Variants in ABI3BP observed in about 807,000 individuals in gnomAD.
The protein encoded by ABI3BP is target of Nesh-SH3.
ABI3BP carries 216 observed loss-of-function variants against 268.6 expected under a neutral mutation model. The ratio of observed to expected loss-of-function variants is 0.80; its 90% CI spans 0.72 to 0.90. The LOEUF (loss-of-function observed/expected upper bound fraction) is 0.90. Ranked by LOEUF, ABI3BP falls within the 40% of genes least tolerant of loss-of-function variation. ABI3BP has a pLI of 0.00. For synonymous variants in ABI3BP, 730 were observed against 730.0 expected, an observed-to-expected ratio of 1.00 and a Z score of 0.00; for missense variants, 2,090 against 2,182.4, an observed-to-expected ratio of 0.96 and a Z score of 0.84.
intron 45 of ABI3BP, among the ~76,000 whole-genome samples, 189 bp downstream of exon 45, chr3:100,813,472 T>C (rs1211591162): frequency 6.6e-6 from 1 of 152,208 alleles, no homozygotes; most frequent in Non-Finnish European, 1.5e-5. Context: ...TTTTTATACA[T>C]TCAAATAGTA....
intron 1 of ABI3BP, among the ~76,000 whole-genome samples, chr3:100,947,196 C>A (rs1469843500): frequency 6.6e-6 from 1 of 151,984 alleles, no homozygotes; most frequent in Non-Finnish European, 1.5e-5. Flanking sequence ...TCATTAATAA[C>A]ATCTCTGATG....
At chr3:100,843,978 A>G in intron 20 of ABI3BP, 1 of 984,934 alleles carries the variant, frequency 1.0e-6, no homozygotes, top group Non-Finnish European at 1.2e-6. Context: ...CCAAATAGGG[A>G]TAGAACTCCA....
intron 20 of ABI3BP, chr3:100,844,464 CA>C: frequency 3.0e-6 from 3 of 985,164 alleles, no homozygotes; most frequent in Non-Finnish European, 3.6e-6. Context: ...CAAGCAAAGC[CA>C]AAGGAAAAGG....
chr3:100,988,093 G>A (rs893977509), intron 1 of ABI3BP, among the ~76,000 whole-genome samples: 2 of 152,172 alleles, frequency 1.3e-5, no homozygotes, highest in Non-Finnish European at 2.9e-5. Context: ...AGTAGGCTTT[G>A]CACTCCTCAC....
rs751801789 is a variant in ABI3BP at position 100,875,533 on chromosome 3, T to G, written c.792A>C (p.Lys264Asn). The change falls in exon 8 of 68, where the codon AAA (lysine) becomes AAC (asparagine). Residue 264 changes from lysine (K) to asparagine (N), a missense_variant. Transcript: ENST00000471714. ...CTAGTATCACTCCTCCCAGTGGAGC[T>G]TTTTCTGGGGATTTAGCTGAATCCT... Reference protein sequence around the residue: ...THKDSAKSPEKAPLGGVILVH... With the variant: ...THKDSAKSPENAPLGGVILVH... 1.1e-5 allele frequency: 18 copies of G among 1,612,826 alleles called. No individual in the cohort carries two copies. In the South Asian group the frequency reaches 1.6e-4, roughly 15 times the overall value.
chr3:100,763,069 C>G (rs764764174), intron 63 of ABI3BP, among the ~76,000 whole-genome samples: 2 of 152,166 alleles, frequency 1.3e-5, no homozygotes, highest in Non-Finnish European at 2.9e-5. Context: ...AATAGACACA[C>G]TGAATGACCT....
chr3:100,830,148 TATATATATATATATATAA>T (rs1560541410), intron 32 of ABI3BP, among the ~76,000 whole-genome samples: 23 of 58,962 alleles, frequency 3.9e-4, no homozygotes, highest in African/African-American at 1.2e-3. Flanking sequence ...TATATATATA[TATATATATATATATATAA>T]AATGCAGATA....
At chr3:100,953,298 C>T (rs1584743831) in intron 1 of ABI3BP, among the ~76,000 whole-genome samples, 1 of 152,166 alleles carries the variant, frequency 6.6e-6, no homozygotes, top group African/African-American at 2.4e-5. Context: ...TTATCTCTTT[C>T]GTCTGCCCCT....
intron 26 of ABI3BP, 74 bp downstream of exon 26, chr3:100,838,136 A>G: frequency 7.1e-7 from 1 of 1,414,844 alleles, no homozygotes; most frequent in Non-Finnish European, 9.6e-7. Context: ...ATATGATATG[A>G]CAGATTGGAA....
At chr3:100,961,134 A>G (rs1353528306) in intron 1 of ABI3BP, among the ~76,000 whole-genome samples, 1 of 152,286 alleles carries the variant, frequency 6.6e-6, no homozygotes, top group Non-Finnish European at 1.5e-5. Context: ...CAACAAAGGC[A>G]GCCCTAGTAC....
chr3:100,871,061 G>A (rs753537111), intron 9 of ABI3BP, among the ~76,000 whole-genome samples: 68 of 152,080 alleles, frequency 4.5e-4, no homozygotes, highest in Non-Finnish European at 1.2e-4. Context: ...AGAACAGAGG[G>A]TAAAAAGTTG....
intron 66 of ABI3BP, among the ~76,000 whole-genome samples, chr3:100,752,200 C>CT (rs1478280638): frequency 6.6e-6 from 1 of 152,118 alleles, no homozygotes; most frequent in African/African-American, 2.4e-5. Flanking sequence ...TATGTATTGT[C>CT]TATCTCTTCT....
intron 1 of ABI3BP, among the ~76,000 whole-genome samples, chr3:100,940,301 T>C (rs978273915): frequency 1.2e-4 from 19 of 152,006 alleles, no homozygotes; most frequent in African/African-American, 3.4e-4. Flanking sequence ...TGTTTAGAGA[T>C]TGCAGTAAAG....
At chr3:100,792,669 C>T in intron 55 of ABI3BP, 22 bp downstream of exon 55, 2 of 1,604,206 alleles carry the variant, frequency 1.2e-6, no homozygotes, top group Non-Finnish European at 1.7e-6. Context: ...AGTTATTCTC[C>T]AGAGGTAGGG....
intron 2 of ABI3BP, among the ~76,000 whole-genome samples, chr3:100,905,994 G>T (rs747272334): frequency 6.6e-6 from 1 of 152,106 alleles, no homozygotes; most frequent in East Asian, 1.9e-4. Context: ...GGCCCTGCAA[G>T]TTATGTAACT....
intron 1 of ABI3BP, among the ~76,000 whole-genome samples, chr3:100,985,738 T>G (rs983605010): frequency 6.6e-6 from 1 of 152,204 alleles, no homozygotes; most frequent in Non-Finnish European, 1.5e-5. Context: ...TCTTAAGATA[T>G]TTATCTCAAT....
intron 1 of ABI3BP, among the ~76,000 whole-genome samples, chr3:100,934,416 T>C (rs2065086624): frequency 6.6e-6 from 1 of 152,150 alleles, no homozygotes; most frequent in East Asian, 1.9e-4. Flanking sequence ...AAGTCTTTGC[T>C]ATTGTGAACA....
intron 2 of ABI3BP, among the ~76,000 whole-genome samples, chr3:100,919,161 C>A (rs1006524402): frequency 1.2e-4 from 18 of 152,060 alleles, no homozygotes; most frequent in African/African-American, 4.3e-4. Flanking sequence ...TATCCTGTTT[C>A]TTTTTTTCAT....
chr3:100,847,655 C>T lies in ABI3BP; in HGVS notation c.1595G>A (p.Gly532Glu). The T allele has an allele frequency of 6.2e-7, 1 of 1,613,454 alleles. No homozygotes were observed. The highest frequency in any genetic ancestry group is 1.1e-5 in the South Asian group (1 of 91,068). ...RTKPERTTSA[G>E]TITPKISKSP... ...TTTAGAAATTTTAGGTGTAATTGTT[C>T]CGGCACTTGTGGTTCTTTCTGGTGA... The change falls in exon 19 of 68, where the codon GGA becomes GAA. Residue 532 changes from glycine (G) to glutamate (E), a missense_variant. Gly to Glu is a moderately conservative substitution (Grantham distance 98). Coordinates refer to ENST00000471714, the MANE Select transcript of ABI3BP (RefSeq NM_001375547.2).
Sources: allele counts gnomAD v4.1 joint callset (sites outside exome capture counted in the v4.1 genomes callset), GRCh38; gene constraint gnomAD v4.1.1; transcripts MANE v1.5; gene names NCBI Gene and HGNC (gene_info 2026-07-23, HGNC 2026-07-21).